SNCAIP: variants seen among roughly 807,000 people sequenced by gnomAD.
SNCAIP encodes the protein synuclein alpha interacting protein, also known as synphilin-1.
SNCAIP carries 43 observed loss-of-function variants against 86.7 expected under a neutral mutation model. That is an observed-to-expected ratio of 0.50 (90% CI 0.39 to 0.64). The LOEUF is 0.64. SNCAIP is among the 30% of genes least tolerant of loss of function. SNCAIP has a pLI of 0.00. For synonymous variants in SNCAIP, 417 were observed against 427.2 expected, an observed-to-expected ratio of 0.98 and a Z score of 0.29; for missense variants, 981 against 1,103.1, an observed-to-expected ratio of 0.89 and a Z score of 1.57.
chr5:122,422,735 G>A, intron 3 of SNCAIP, 133 bp from the exon 4 acceptor site: 1 of 696,962 alleles, frequency 1.4e-6, no homozygotes, highest in Non-Finnish European at 2.5e-6. Context: ...TTCTATTGAT[G>A]TGCACTCTAA....
intron 1 of SNCAIP, among the ~76,000 whole-genome samples, chr5:122,319,335 T>G (rs757589237): frequency 6.6e-6 from 1 of 152,194 alleles, no homozygotes; most frequent in East Asian, 1.9e-4. Context: ...GTCATCTTCC[T>G]GTGATACTGC....
intron 10 of SNCAIP, chr5:122,453,086 C>G: frequency 1.3e-6 from 1 of 756,494 alleles, no homozygotes. Context: ...GAGCACCTTT[C>G]ATCAGGGGAT....
At chr5:122,372,351 C>CA (rs1222820234) in intron 1 of SNCAIP, among the ~76,000 whole-genome samples, 1 of 152,170 alleles carries the variant, frequency 6.6e-6, no homozygotes, top group Non-Finnish European at 1.5e-5. Context: ...GCTCTTAACA[C>CA]AAAGTCACTG....
At chr5:122,314,814 A>G (rs1751367280) in intron 1 of SNCAIP, among the ~76,000 whole-genome samples, 1 of 152,238 alleles carries the variant, frequency 6.6e-6, no homozygotes, top group South Asian at 2.1e-4. Flanking sequence ...ACTGATAGCT[A>G]GGCCCTGGGA....
At chr5:122,336,687 A>C (rs1756529422) in intron 1 of SNCAIP, 1 of 152,296 alleles carries the variant, frequency 6.6e-6, no homozygotes, top group Non-Finnish European at 1.5e-5. Flanking sequence ...TACAGCCTCA[A>C]ACTTCTAGAC....
chr5:122,423,409 C>T lies in SNCAIP; in HGVS notation c.672C>T (p.Val224=), dbSNP rs376151621. Residue 224 remains valine (V), a synonymous_variant, in exon 4 of 11, where the codon GTC becomes GTT. Transcript: ENST00000261368. ...CTCACTTGAGAAAAGCATCAGCTGT[C>T]ATCCACGACCAGCACAAGCTGTCCA... ...KSPHLRKASA[V]IHDQHKLSTE... The T allele has an allele frequency of 1.1e-4, 182 of 1,613,650 alleles. No homozygotes were observed. Among genetic ancestry groups the T allele is most frequent in the Middle Eastern group, 9.9e-4 (6 of 6,082 alleles).
intron 1 of SNCAIP, among the ~76,000 whole-genome samples, chr5:122,377,494 C>CAGAGAG (rs3031391): frequency 1.5e-3 from 229 of 149,272 alleles, no homozygotes; most frequent in African/African-American, 5.2e-3. Context: ...GGGAGACAGA[C>CAGAGAG]AGAGAGAGAG....
At chr5:122,340,185 T>G (rs758653033) in intron 1 of SNCAIP, among the ~76,000 whole-genome samples, 9 of 152,326 alleles carry the variant, frequency 5.9e-5, no homozygotes, top group Admixed American at 2.0e-4. Flanking sequence ...GAAGTATTTT[T>G]TCCATGTGTT....
chr5:122,341,906 C>T (rs574622995), intron 1 of SNCAIP, among the ~76,000 whole-genome samples: 81 of 152,252 alleles, frequency 5.3e-4, no homozygotes, highest in Admixed American at 1.5e-3. Flanking sequence ...CACAAATCCA[C>T]TTCTTGATTA....
intron 1 of SNCAIP, among the ~76,000 whole-genome samples, chr5:122,351,311 C>G (rs887533472): frequency 6.6e-6 from 1 of 151,842 alleles, no homozygotes; most frequent in Admixed American, 6.6e-5. Flanking sequence ...CCAAGGCAGG[C>G]AGATCACTTG....
intron 1 of SNCAIP, among the ~76,000 whole-genome samples, chr5:122,350,698 A>G (rs950671024): frequency 6.6e-6 from 1 of 152,230 alleles, no homozygotes; most frequent in African/African-American, 2.4e-5. Context: ...TGGAGGTCAC[A>G]GAACGTGTGT....
chr5:122,427,850 C>T (rs540852926), intron 5 of SNCAIP, among the ~76,000 whole-genome samples: 11 of 152,200 alleles, frequency 7.2e-5, no homozygotes, highest in Admixed American at 2.0e-4. Context: ...TACCTGGGAA[C>T]GGGCTTTGAA....
intron 1 of SNCAIP, among the ~76,000 whole-genome samples, chr5:122,355,035 T>C (rs1754238853): frequency 6.6e-6 from 1 of 152,250 alleles, no homozygotes. Context: ...TAATCTTTAG[T>C]ATAAAAAACT....
At chr5:122,340,015 G>A (rs1757243305) in intron 1 of SNCAIP, among the ~76,000 whole-genome samples, 2 of 152,134 alleles carry the variant, frequency 1.3e-5, no homozygotes, top group African/African-American at 4.8e-5. Context: ...ATTTCAACAA[G>A]AAGCCAATCT....
chr5:122,395,923 G>C (rs185553400), intron 2 of SNCAIP, among the ~76,000 whole-genome samples: 5 of 152,226 alleles, frequency 3.3e-5, no homozygotes, highest in African/African-American at 1.2e-4. Flanking sequence ...CCTTCTAGAA[G>C]GTGACCAACA....
chr5:122,362,293 G>A (rs1478165424), intron 1 of SNCAIP, among the ~76,000 whole-genome samples: 3 of 152,154 alleles, frequency 2.0e-5, no homozygotes, highest in Non-Finnish European at 4.4e-5. Flanking sequence ...ATAGGTGATG[G>A]AGTAGAAATT....
intron 1 of SNCAIP, among the ~76,000 whole-genome samples, chr5:122,361,703 A>G (rs148508909): frequency 1.3e-5 from 2 of 151,752 alleles, no homozygotes; most frequent in African/African-American, 4.8e-5. Flanking sequence ...TCGATGCCTT[A>G]AAGGTCCCAG....
chr5:122,339,797 A>G (rs1305380426), intron 1 of SNCAIP, among the ~76,000 whole-genome samples: 1 of 152,210 alleles, frequency 6.6e-6, no homozygotes, highest in Non-Finnish European at 1.5e-5. Flanking sequence ...TTTGGCTAAT[A>G]CTGTCTGCTA....
At chr5:122,372,583 G>A (rs528919304) in intron 1 of SNCAIP, among the ~76,000 whole-genome samples, 6 of 152,218 alleles carry the variant, frequency 3.9e-5, no homozygotes, top group South Asian at 4.2e-4. Flanking sequence ...CAGATTACTC[G>A]AGCAATGTAT....
Sources: allele counts gnomAD v4.1 joint callset (sites outside exome capture counted in the v4.1 genomes callset), GRCh38; gene constraint gnomAD v4.1.1; transcripts MANE v1.5; gene names NCBI Gene and HGNC (gene_info 2026-07-23, HGNC 2026-07-21).